Variants in JCAD observed in about 807,000 individuals in gnomAD.
JCAD encodes the protein junctional cadherin 5-associated protein.
A neutral mutation model predicts 98.0 loss-of-function variants in JCAD; 40 were observed. The observed-to-expected ratio is 0.41, with a 90% confidence interval of 0.32 to 0.53. JCAD has a LOEUF of 0.53. Ranked by LOEUF, JCAD falls within the 20% of genes least tolerant of loss-of-function variation. JCAD has a pLI of 0.31. For synonymous variants in JCAD, 691 were observed against 682.3 expected (o/e 1.01, Z -0.20); for missense variants, 1,705 against 1,738.1 (o/e 0.98, Z 0.34).
In JCAD at chr10:30,028,177, T is replaced by C. The variant is rs377635310; in HGVS notation, c.1971A>G (p.Glu657=). 1 of 1,614,206 alleles carries C rather than the reference T, an allele frequency of 6.2e-7. No homozygotes were observed. The highest frequency in any genetic ancestry group is 2.2e-5 in the East Asian group (1 of 44,882). The change falls in exon 3 of 4, where the codon GAA becomes GAG. Residue 657 remains glutamate, a synonymous_variant. Coordinates refer to ENST00000375377, the MANE Select transcript of JCAD (RefSeq NM_020848.4). The stretch of plus-strand genomic sequence containing the variant: ...AACTGAGGTCATTTGTTTGTCTGTC[T>C]TCTTCTGGTTCCCCTAGATCTTGTT... ...FQKQDLGEPE[E]DRQTNDLSFI...
intron 2 of JCAD, among the ~76,000 whole-genome samples, chr10:30,035,730 C>CT (rs1343328774): frequency 6.6e-6 from 1 of 152,180 alleles, no homozygotes; most frequent in Admixed American, 6.5e-5. Flanking sequence ...AATGGCACTT[C>CT]TAGGAAAACA....
chr10:30,064,767 G>A (rs1366165188), intron 2 of JCAD, among the ~76,000 whole-genome samples: 1 of 152,010 alleles, frequency 6.6e-6, no homozygotes, highest in African/African-American at 2.4e-5. Flanking sequence ...CACCTCCCAG[G>A]TTCAAGCAGT....
intron 3 of JCAD, among the ~76,000 whole-genome samples, chr10:30,020,295 C>A (rs1836633885): frequency 7.0e-6 from 1 of 143,638 alleles, no homozygotes; most frequent in East Asian, 2.0e-4. Context: ...CCACTGCACT[C>A]CAGCTTGGGC....
At chr10:30,072,912 A>G (rs2132673117) in intron 1 of JCAD, among the ~76,000 whole-genome samples, 1 of 152,300 alleles carries the variant, frequency 6.6e-6, no homozygotes, top group East Asian at 1.9e-4. Context: ...TGCTGGGATT[A>G]CAGGTGTGAA....
chr10:30,040,809 T>C (rs1259842517), intron 2 of JCAD, among the ~76,000 whole-genome samples: 4 of 152,154 alleles, frequency 2.6e-5, no homozygotes, highest in Non-Finnish European at 5.9e-5. Flanking sequence ...ACAGCCATCT[T>C]TGAGGCAAAG....
chr10:30,065,506 A>G (rs891627476), intron 2 of JCAD, among the ~76,000 whole-genome samples: 1 of 150,648 alleles, frequency 6.6e-6, no homozygotes, highest in Non-Finnish European at 1.5e-5. Context: ...TATATCGCAT[A>G]ATTTTTTTTT....
intron 3 of JCAD, among the ~76,000 whole-genome samples, chr10:30,021,155 C>A (rs1379230253): frequency 1.3e-5 from 2 of 152,190 alleles, no homozygotes; most frequent in Non-Finnish European, 2.9e-5. Flanking sequence ...GCTCTTTCTT[C>A]AGCTCATGGA....
At chr10:30,073,381 C>A (rs551468676) in intron 1 of JCAD, among the ~76,000 whole-genome samples, 2 of 152,140 alleles carry the variant, frequency 1.3e-5, no homozygotes, top group Non-Finnish European at 2.9e-5. Flanking sequence ...GCTGTTCTTA[C>A]GCTGCACACT....
At chr10:30,020,697 T>C (rs1339562170) in intron 3 of JCAD, among the ~76,000 whole-genome samples, 2 of 152,214 alleles carry the variant, frequency 1.3e-5, no homozygotes, top group Non-Finnish European at 2.9e-5. Flanking sequence ...ACAACATCCA[T>C]GAAACAATAT....
intron 3 of JCAD, among the ~76,000 whole-genome samples, chr10:30,021,989 T>C (rs1187093741): frequency 6.6e-6 from 1 of 152,186 alleles, no homozygotes; most frequent in African/African-American, 2.4e-5. Context: ...TCTCTTCTCA[T>C]TCTTCCCCTG....
At position 30,091,140 on chromosome 10, in the gene JCAD, T is replaced by A. The variant is rs569023995; in HGVS notation, n.129-21319A>T. ...GCTTTGCAATATGATTTCTGACAGT[T>A]GTTTGGCATCATTAAGAGATCACTA... On this transcript the variant is annotated intron_variant and non_coding_transcript_variant, in intron 1 of 2. Coordinates refer to the JCAD transcript ENST00000465712. Among the ~76,000 whole-genome samples, 14 of 152,372 alleles carry A rather than the reference T, an allele frequency of 9.2e-5. No individual in the cohort carries two copies. The South Asian group carries it at 2.7e-3, about 29-fold the overall frequency.
In JCAD at chr10:30,016,447, G is replaced by C. The variant is rs1836537355; in HGVS notation, c.*1436C>G. The C allele has an allele frequency of 6.6e-6, 1 of 152,004 alleles. No individual in the cohort carries two copies. 9.4% of individuals were successfully genotyped at this position (152,004 alleles called of 1,614,324 possible). ...GGAAATGATTTAGGGAATGTTAGTT[G>C]TCAGGAATACCTTACTTAGAAAGAA... On this transcript the variant is annotated 3_prime_UTR_variant, in exon 4 of 4. Transcript: ENST00000375377.
intron 1 of JCAD, among the ~76,000 whole-genome samples, chr10:30,106,578 G>A (rs895608389): frequency 4.6e-5 from 7 of 152,180 alleles, no homozygotes; most frequent in Admixed American, 6.5e-5. Flanking sequence ...TCGGCTTACC[G>A]CAACCTCTGC....
rs1233958432 is a variant in JCAD at position 30,111,845 on chromosome 10, T to TCTGGTTC, written n.128+3521_128+3522insGAACCAG. 1.6e-4 allele frequency among the ~76,000 whole-genome samples: 24 copies of TCTGGTTC among 152,272 alleles called. No homozygotes were observed. In the South Asian group the frequency reaches 4.8e-3, roughly 30 times the overall value. On this transcript the variant is annotated intron_variant and non_coding_transcript_variant, in intron 1 of 2. Transcript: ENST00000465712. ...CAAGAATGTGGAGAAATTGGAACCT[T>TCTGGTTC]CCTACAGTGCTGGTGGGAATGTGAA...
At chr10:30,071,332 A>G (rs991942189) in intron 1 of JCAD, among the ~76,000 whole-genome samples, 1 of 152,098 alleles carries the variant, frequency 6.6e-6, no homozygotes, top group Non-Finnish European at 1.5e-5. Flanking sequence ...TCTCCTTCCC[A>G]GGGAAGTGTA....
upstream of JCAD, among the ~76,000 whole-genome samples, chr10:30,064,509 C>T (rs1243168730): frequency 2.0e-5 from 3 of 152,168 alleles, no homozygotes. Flanking sequence ...ATACATTTAC[C>T]ATTTCTTTGG....
chr10:30,104,487 A>G (rs1052104036), intron 1 of JCAD, among the ~76,000 whole-genome samples: 1 of 137,154 alleles, frequency 7.3e-6, no homozygotes, highest in Non-Finnish European at 1.5e-5. Context: ...AGAAAACCAA[A>G]TATGTTTTCA....
intron 1 of JCAD, among the ~76,000 whole-genome samples, chr10:30,076,909 C>T (rs1837991658): frequency 2.0e-5 from 3 of 152,134 alleles, no homozygotes; most frequent in Non-Finnish European, 4.4e-5. Flanking sequence ...CCACGTTTTG[C>T]TCATTTTAAA....
At chr10:30,052,701 G>A (rs944350024) in intron 1 of JCAD, among the ~76,000 whole-genome samples, 12 of 152,164 alleles carry the variant, frequency 7.9e-5, no homozygotes, top group Admixed American at 5.2e-4. Flanking sequence ...TACATTGGAA[G>A]TGCCAGGCAC....
Sources: gnomAD v4.1 joint callset for allele counts (sites outside exome capture counted in the v4.1 genomes callset) on GRCh38, gnomAD v4.1.1 for gene constraint, MANE v1.5 for transcripts, NCBI Gene and HGNC (gene_info 2026-07-23, HGNC 2026-07-21) for gene names.